TNNT2: variants seen among roughly 807,000 people sequenced by gnomAD.
The protein encoded by TNNT2 is troponin T, cardiac muscle.
TNNT2 carries 34 observed loss-of-function variants against 62.4 expected under a neutral mutation model. That is an observed-to-expected ratio of 0.54 (90% CI 0.41 to 0.72). The LOEUF (loss-of-function observed/expected upper bound fraction) is 0.72, where lower values mean the gene tolerates loss of function less well. Ranked by LOEUF, TNNT2 falls within the 30% of genes least tolerant of loss-of-function variation. TNNT2 has a pLI of 0.00. For synonymous variants in TNNT2, 123 were observed against 127.2 expected (o/e 0.97, Z 0.22); for missense variants, 275 against 381.9 (o/e 0.72, Z 2.33).
chr1:201,370,507 A>G (rs1660462626), intron 4 of TNNT2, among the ~76,000 whole-genome samples: 1 of 152,228 alleles, frequency 6.6e-6, no homozygotes, highest in Non-Finnish European at 1.5e-5. Context: ...ATCTGCCCAA[A>G]AAAACAGTTC....
At chr1:201,376,479 C>T (rs899115926) in intron 1 of TNNT2, among the ~76,000 whole-genome samples, 23 of 152,226 alleles carry the variant, frequency 1.5e-4, no homozygotes, top group Admixed American at 9.1e-4. Context: ...CAGCTGTTAG[C>T]CCACCAGGAG....
At chr1:201,368,062 A>G (rs1659987060) in intron 6 of TNNT2, 100 bp downstream of exon 6, 19 of 1,256,128 alleles carry the variant, frequency 1.5e-5, no homozygotes, top group South Asian at 2.4e-5. Context: ...TCAGGTGCAC[A>G]TGGGAAAGCC....
chr1:201,361,017 T>C (rs1486093423), intron 15 of TNNT2: 2 of 527,268 alleles, frequency 3.8e-6, no homozygotes, highest in East Asian at 7.2e-5. Context: ...CTCAACGTGT[T>C]GGAGACCCCC....
In TNNT2 at chr1:201,359,605, A is replaced by G; in HGVS notation, c.851+18T>C. ...GGGGCAGGGGGAGGGCTAGGCGAGA[A>G]TGACCTCAGACACTTACACTTTCTG... On this transcript the variant is annotated intron_variant, in intron 16 of 16. Transcript: ENST00000656932. 6.3e-7 allele frequency: 1 copy of G among 1,597,834 alleles called. No individual in the cohort carries two copies. Among genetic ancestry groups the G allele is most frequent in the Non-Finnish European group, 8.5e-7 (1 of 1,170,500 alleles).
intron 14 of TNNT2, 46 bp downstream of exon 14, chr1:201,361,867 G>A: frequency 1.3e-6 from 2 of 1,570,412 alleles, no homozygotes; most frequent in Non-Finnish European, 1.8e-6. Context: ...ACCCCTCCCA[G>A]AGCAGATGCG....
chr1:201,363,262 G>A (rs951970871), intron 12 of TNNT2, 34 bp downstream of exon 12: 8 of 1,613,056 alleles, frequency 5.0e-6, no homozygotes, highest in Non-Finnish European at 6.8e-6. Context: ...GCTATACTAG[G>A]ATCTCCTGGC....
chr1:201,363,963 C>T, intron 11 of TNNT2: 1 of 350,874 alleles, frequency 2.9e-6, no homozygotes, highest in Non-Finnish European at 5.4e-6. Context: ...CCTCGGCTCA[C>T]TGCAACCTTG....
At position 201,361,267 on chromosome 1, in the gene TNNT2, A is replaced by G; in HGVS notation, c.810+12T>C. The G allele has an allele frequency of 6.2e-7, 1 of 1,613,746 alleles. No individual in the cohort carries two copies. Among genetic ancestry groups the G allele is most frequent in the Non-Finnish European group, 8.5e-7 (1 of 1,179,658 alleles). ...GATGGAGATGCTGGGCGGGGACAGC[A>G]TGGCGGCCCACCTCATATTTCTGCT... On this transcript the variant is annotated intron_variant, in intron 15 of 16. Coordinates refer to ENST00000656932, the MANE Select transcript of TNNT2 (RefSeq NM_001276345.2).
chr1:201,367,889 C>G, intron 6 of TNNT2, 83 bp from the exon 7 acceptor site: 1 of 1,517,276 alleles, frequency 6.6e-7, no homozygotes, highest in Non-Finnish European at 9.2e-7. Context: ...GCCTTCCCCA[C>G]AGATAAGCCC....
rs534530235 is a variant in TNNT2 at position 201,366,466 on chromosome 1, G to A, written c.233+372C>T. The A allele has an allele frequency of 2.1e-4, 243 of 1,146,904 alleles. No individual in the cohort carries two copies. The Middle Eastern group carries it at 3.1e-3, about 15-fold the overall frequency. The allele number at this position is 1,146,904 out of a possible 1,614,324, so 71.0% of individuals were successfully genotyped here. A position where few individuals can be genotyped will look rare whatever the true frequency, so the allele number is the denominator to read the frequency against. Reference sequence around the variant, plus strand: ...GAAGCCGCCATGCCTATGCTGGCACGGTTTCATTGTTTGGCTCCCCACAAT... The same window carrying A: ...GAAGCCGCCATGCCTATGCTGGCACAGTTTCATTGTTTGGCTCCCCACAAT... On this transcript the variant is annotated intron_variant, in intron 8 of 16. Coordinates refer to ENST00000656932, the MANE Select transcript of TNNT2 (RefSeq NM_001276345.2).
chr1:201,366,532 G>A (rs1471813012), intron 8 of TNNT2: 1 of 1,270,724 alleles, frequency 7.9e-7, no homozygotes, highest in Non-Finnish European at 1.0e-6. Context: ...GGCCATGGAG[G>A]AGGGTGTTCT....
chr1:201,363,733 A>C (rs927211110), intron 11 of TNNT2: 3 of 414,648 alleles, frequency 7.2e-6, no homozygotes, highest in African/African-American at 2.0e-5. Flanking sequence ...GTTCCCACGA[A>C]GTCTGCACTG....
At chr1:201,370,641 G>A (rs1660483764) in intron 4 of TNNT2, among the ~76,000 whole-genome samples, 1 of 152,204 alleles carries the variant, frequency 6.6e-6, no homozygotes, top group African/African-American at 2.4e-5. Context: ...CCTCAACTGT[G>A]TGGGAGGCAA....
At chr1:201,367,043 G>A (rs548677312) in intron 7 of TNNT2, 172 bp from the exon 8 acceptor site, 31 of 1,054,726 alleles carry the variant, frequency 2.9e-5, no homozygotes, top group Middle Eastern at 2.0e-4. Context: ...TGAAGGCAGC[G>A]GGGGCTGCAG....
rs912420241 is a variant in TNNT2, at chr1:201,372,231, C to T, written c.42-76G>A. Reference sequence around the variant, plus strand: ...ACACACACGCCTGCACACACATGCACACACTGGCCTTTCCCCAAAGATAAT... The same window carrying T: ...ACACACACGCCTGCACACACATGCATACACTGGCCTTTCCCCAAAGATAAT... On this transcript the variant is annotated intron_variant, in intron 2 of 16. Transcript: ENST00000656932. 47 of 1,599,108 alleles carry T rather than the reference C, an allele frequency of 2.9e-5. No homozygotes were observed. The South Asian group carries it at 4.6e-4, about 16-fold the overall frequency.
Position 201,362,022 on chromosome 1 carries a change from T to C in TNNT2, c.610A>G (p.Thr204Ala), listed in dbSNP as rs587782981. 1 of 1,614,132 alleles carries C rather than the reference T, an allele frequency of 6.2e-7. No homozygotes were observed. Among genetic ancestry groups the C allele is most frequent in the Non-Finnish European group, 8.5e-7 (1 of 1,180,000 alleles). ...TGCCTCTTCCCACTTTTCCGCTCTG[T>C]CTGGAGGGTGTGGGAAGCAGAGTAA... Reference protein sequence around the residue: ...FGGYIQKQAQTERKSGKRQTE... With the variant: ...FGGYIQKQAQAERKSGKRQTE... The change falls in exon 14 of 17, where the codon ACA (threonine) becomes GCA (alanine). Residue 204 changes from threonine to alanine, a missense_variant and splice_region_variant. Coordinates refer to ENST00000656932, the MANE Select transcript of TNNT2 (RefSeq NM_001276345.2).
chr1:201,362,363 G>A (rs375514689), intron 13 of TNNT2, 23 bp downstream of exon 13: 1 of 1,613,544 alleles, frequency 6.2e-7, no homozygotes, highest in African/African-American at 1.3e-5. Context: ...GGAGGAAGAA[G>A]GCTTGAGGTT....
At chr1:201,377,500 G>A (rs1352204794) in intron 1 of TNNT2, 123 bp downstream of exon 1, 4 of 455,772 alleles carry the variant, frequency 8.8e-6, no homozygotes, top group Admixed American at 4.7e-5. Context: ...CCTCCACCAG[G>A]AGGGGCCATG....
chr1:201,376,300 G>C (rs1256945928), intron 1 of TNNT2, among the ~76,000 whole-genome samples: 1 of 152,170 alleles, frequency 6.6e-6, no homozygotes, highest in African/African-American at 2.4e-5. Context: ...AGATTTTGCT[G>C]TGTGGCCTTA....
Sources: allele counts gnomAD v4.1 joint callset (sites outside exome capture counted in the v4.1 genomes callset), GRCh38; gene constraint gnomAD v4.1.1; transcripts MANE v1.5; gene names NCBI Gene and HGNC (gene_info 2026-07-23, HGNC 2026-07-21).